Variants in ADAMTS6 observed in about 807,000 individuals in gnomAD.
ADAMTS6 encodes A disintegrin and metalloproteinase with thrombospondin motifs 6.
Under a neutral mutation model 144.3 loss-of-function variants are expected in ADAMTS6, and 23 were observed. That is an observed-to-expected ratio of 0.16 (90% CI 0.11 to 0.23). The LOEUF is 0.23. Among genes scored for constraint, ADAMTS6 ranks in the 10% least tolerant of loss-of-function variants. The pLI is 1.00. For missense variants in ADAMTS6, 999 were observed against 1,379.6 expected (o/e 0.72, Z 4.37); for synonymous variants, 444 against 457.5 (o/e 0.97, Z 0.38).
intron 4 of ADAMTS6, 76 bp from the exon 5 acceptor site, chr5:65,452,994 C>A: frequency 8.9e-7 from 1 of 1,123,866 alleles, no homozygotes; most frequent in Non-Finnish European, 1.3e-6. Context: ...TGTAGACATG[C>A]TTCTCACAAA....
At chr5:65,313,919 G>A (rs1314138229) in intron 9 of ADAMTS6, among the ~76,000 whole-genome samples, 1 of 151,840 alleles carries the variant, frequency 6.6e-6, no homozygotes, top group Admixed American at 6.6e-5. Context: ...CACATTAAAC[G>A]ACTGTTTACC....
At chr5:65,245,977 T>TA (rs1759601951) in intron 14 of ADAMTS6, among the ~76,000 whole-genome samples, 1 of 152,210 alleles carries the variant, frequency 6.6e-6, no homozygotes, top group African/African-American at 2.4e-5. Context: ...ACTCAATTAT[T>TA]AATTTCTCAG....
chr5:65,317,835 A>T (rs890842065), intron 9 of ADAMTS6, among the ~76,000 whole-genome samples: 4 of 152,182 alleles, frequency 2.6e-5, no homozygotes, highest in Non-Finnish European at 4.4e-5. Context: ...GCACTTTGGG[A>T]GGCCGAGGCG....
chr5:65,232,423 A>AT (rs911190516), intron 15 of ADAMTS6, among the ~76,000 whole-genome samples: 21 of 151,900 alleles, frequency 1.4e-4, no homozygotes, highest in African/African-American at 4.6e-4. Flanking sequence ...AATTGAGTTG[A>AT]TTTTTTTTAA....
chr5:65,384,245 G>A (rs772629205), intron 7 of ADAMTS6, among the ~76,000 whole-genome samples: 1 of 152,158 alleles, frequency 6.6e-6, no homozygotes, highest in Non-Finnish European at 1.5e-5. Context: ...GCCAGGCTGA[G>A]AATTTTCCAA....
intron 7 of ADAMTS6, among the ~76,000 whole-genome samples, chr5:65,399,728 CAT>C (rs1753763415): frequency 6.6e-6 from 1 of 152,076 alleles, no homozygotes; most frequent in African/African-American, 2.4e-5. Flanking sequence ...CAGATACATA[CAT>C]ATGATACATA....
chr5:65,451,726 A>G (rs1369891108), intron 6 of ADAMTS6, 106 bp from the exon 7 acceptor site: 3 of 1,363,260 alleles, frequency 2.2e-6, no homozygotes, highest in Non-Finnish European at 3.0e-6. Flanking sequence ...CAGTGTTTCT[A>G]GGAATAATCT....
chr5:65,365,600 T>C lies in ADAMTS6; in HGVS notation c.1074-31515A>G, dbSNP rs559390831. ...AGGCGGAGGTTTCAGTGAGCGGAGATCATGCCATTGCACTCCAGCCTGGGC... is the reference window on the plus strand; with the variant it reads ...AGGCGGAGGTTTCAGTGAGCGGAGACCATGCCATTGCACTCCAGCCTGGGC... On this transcript the variant is annotated intron_variant, in intron 7 of 24. Transcript: ENST00000381055. Among the ~76,000 whole-genome samples, 17 of 149,486 alleles carry C rather than the reference T, an allele frequency of 1.1e-4. No homozygotes were observed. In the South Asian group the frequency reaches 3.4e-3, roughly 30 times the overall value.
Position 65,226,180 on chromosome 5 carries a change from C to A in ADAMTS6, c.1973G>T (p.Gly658Val). The part of the protein sequence containing the change: ...KPCALNCLAE[G>V]YNFYTERAPA... ...AGCACGTTCAGTGTAGAAATTATAACCTTCAGCCAAGCAGTTTAATGCACA... is the reference window on the plus strand; with the variant it reads ...AGCACGTTCAGTGTAGAAATTATAAACTTCAGCCAAGCAGTTTAATGCACA... Residue 658 changes from glycine to valine, a missense_variant, in exon 16 of 25, where the codon GGT (glycine) becomes GTT (valine). By Grantham distance (109) the Gly-to-Val change is moderately radical. Transcript: ENST00000381055. 1 of 1,613,742 alleles carries A rather than the reference C, an allele frequency of 6.2e-7. No homozygotes were observed. The highest frequency in any genetic ancestry group is 8.5e-7 in the Non-Finnish European group (1 of 1,179,814).
intron 15 of ADAMTS6, among the ~76,000 whole-genome samples, chr5:65,233,522 CATTTCT>C (rs1758421953): frequency 6.6e-6 from 1 of 151,858 alleles, no homozygotes; most frequent in South Asian, 2.1e-4. Flanking sequence ...AAAATCAGTC[CATTTCT>C]ATACACTAAC....
chr5:65,182,071 C>T (rs1384282526), intron 22 of ADAMTS6, among the ~76,000 whole-genome samples: 2 of 152,026 alleles, frequency 1.3e-5, no homozygotes, highest in East Asian at 1.9e-4. Flanking sequence ...ATGAAGAATG[C>T]GAAGAAAGAC....
At chr5:65,275,409 A>G (rs1448494737) in intron 11 of ADAMTS6, among the ~76,000 whole-genome samples, 2 of 144,556 alleles carry the variant, frequency 1.4e-5, no homozygotes, top group South Asian at 2.2e-4. Flanking sequence ...GAAAGAAAGA[A>G]AGAAAGAAAA....
At chr5:65,310,217 G>A (rs920832596) in intron 9 of ADAMTS6, among the ~76,000 whole-genome samples, 4 of 151,892 alleles carry the variant, frequency 2.6e-5, no homozygotes, top group Admixed American at 1.3e-4. Context: ...AAGCCAAGCA[G>A]ATGCCAGCAT....
At chr5:65,345,474 A>G (rs1268407527) in intron 7 of ADAMTS6, among the ~76,000 whole-genome samples, 1 of 151,776 alleles carries the variant, frequency 6.6e-6, no homozygotes, top group Non-Finnish European at 1.5e-5. Context: ...TTCACCTAAT[A>G]AGATATTCTT....
At chr5:65,293,851 TAGTCTAGACA>T (rs1348393351) in intron 10 of ADAMTS6, among the ~76,000 whole-genome samples, 4 of 152,180 alleles carry the variant, frequency 2.6e-5, no homozygotes, top group African/African-American at 9.7e-5. Context: ...TGTATTAATG[TAGTCTAGACA>T]AGTCTTGTTC....
At chr5:65,234,255 A>G (rs1593039) in intron 15 of ADAMTS6, among the ~76,000 whole-genome samples, 44,581 of 151,758 alleles carry the variant, frequency 0.29, 6,803 homozygotes, top group Admixed American at 0.38. Flanking sequence ...CCAAAAGCAC[A>G]GACAAAAAAT....
At position 65,224,416 on chromosome 5, in the gene ADAMTS6, T is replaced by C. The variant is rs768284129; in HGVS notation, c.2192-16A>G. The C allele has an allele frequency of 6.2e-6, 10 of 1,610,510 alleles. No homozygotes were observed. The highest frequency in any genetic ancestry group is 4.5e-5 in the East Asian group (2 of 44,864). On this transcript the variant is annotated splice_polypyrimidine_tract_variant and intron_variant, in intron 17 of 24. Coordinates refer to ENST00000381055, the MANE Select transcript of ADAMTS6 (RefSeq NM_197941.4). ...TCCATGTAGCCTGGAACACAGAAGATAGCCAGTATTAAGCAGCCTTGGTCA... is the reference window on the plus strand; with the variant it reads ...TCCATGTAGCCTGGAACACAGAAGACAGCCAGTATTAAGCAGCCTTGGTCA...
At chr5:65,400,696 G>C (rs896451815) in intron 7 of ADAMTS6, among the ~76,000 whole-genome samples, 1 of 151,750 alleles carries the variant, frequency 6.6e-6, no homozygotes, top group African/African-American at 2.4e-5. Context: ...TTACATCTTT[G>C]TAGTTTTCCC....
At chr5:65,437,877 A>C (rs554589515) in intron 7 of ADAMTS6, among the ~76,000 whole-genome samples, 1 of 152,180 alleles carries the variant, frequency 6.6e-6, no homozygotes, top group African/African-American at 2.4e-5. Flanking sequence ...ATCTGCAAAC[A>C]TGGAACTTGT....
Sources: allele counts gnomAD v4.1 joint callset (sites outside exome capture counted in the v4.1 genomes callset), GRCh38; gene constraint gnomAD v4.1.1; transcripts MANE v1.5; gene names NCBI Gene and HGNC (gene_info 2026-07-23, HGNC 2026-07-21).